CCSER1: variants seen among roughly 807,000 people sequenced by gnomAD.
CCSER1 encodes the protein coiled-coil serine rich protein 1.
Under a neutral mutation model 82.0 loss-of-function variants are expected in CCSER1, and 41 were observed. The observed-to-expected ratio is 0.50, with a 90% CI of 0.39 to 0.65. CCSER1 has a LOEUF of 0.65. Ranked by LOEUF, CCSER1 falls within the 30% of genes least tolerant of loss-of-function variation. CCSER1 has a pLI of 0.00. For synonymous variants in CCSER1, 414 were observed against 383.9 expected, an observed-to-expected ratio of 1.08 and a Z score of -0.92; for missense variants, 1,119 against 1,064.2, an observed-to-expected ratio of 1.05 and a Z score of -0.72.
At chr4:91,437,357 T>C (rs1003874782) in intron 10 of CCSER1, among the ~76,000 whole-genome samples, 1 of 152,214 alleles carries the variant, frequency 6.6e-6, no homozygotes, top group Non-Finnish European at 1.5e-5. Context: ...CTACACATAA[T>C]GTCATAAAAC....
At position 90,731,613 on chromosome 4, in the gene CCSER1, G is replaced by A. The variant is rs181019662; in HGVS notation, c.2010+7622G>A. Among the ~76,000 whole-genome samples, 317 of 152,120 alleles carry A rather than the reference G, an allele frequency of 2.1e-3. 4 individuals carry two copies. Among genetic ancestry groups the A allele is most frequent in the Middle Eastern group, 0.02 (6 of 294 alleles). ...ATTTTGAATATAAACCATACAATAG[G>A]TATATATTTGAGGAACCAATGTATT... On this transcript the variant is annotated intron_variant, in intron 7 of 10. Coordinates refer to ENST00000509176, the MANE Select transcript of CCSER1 (RefSeq NM_001145065.2).
At chr4:90,867,003 A>T (rs1159960897) in intron 8 of CCSER1, among the ~76,000 whole-genome samples, 1 of 152,002 alleles carries the variant, frequency 6.6e-6, no homozygotes, top group African/African-American at 2.4e-5. Context: ...AGTTCCTTAT[A>T]GGCCACGGAC....
intron 9 of CCSER1, among the ~76,000 whole-genome samples, chr4:90,974,722 C>T (rs1268981206): frequency 6.6e-6 from 1 of 151,268 alleles, no homozygotes; most frequent in African/African-American, 2.4e-5. Flanking sequence ...TAGGCAAGTA[C>T]AACTTTTGGC....
intron 10 of CCSER1, among the ~76,000 whole-genome samples, chr4:91,551,652 AACAAACACAC>A (rs1234082726): frequency 3.9e-5 from 4 of 102,368 alleles, no homozygotes; most frequent in Admixed American, 2.5e-4. Flanking sequence ...GCAGGCAAAA[AACAAACACAC>A]ACACACACAC....
At chr4:91,373,027 G>T (rs929327592) in intron 10 of CCSER1, among the ~76,000 whole-genome samples, 4 of 151,788 alleles carry the variant, frequency 2.6e-5, no homozygotes, top group Middle Eastern at 3.4e-3. Flanking sequence ...ATTGGGAAAT[G>T]TATTGGTTTG....
At chr4:90,960,184 T>TA (rs201720072) in intron 9 of CCSER1, among the ~76,000 whole-genome samples, 3,950 of 151,880 alleles carry the variant, frequency 0.026, 180 homozygotes, top group African/African-American at 0.09. Context: ...TCATTTTTTT[T>TA]AAAAAAAGGA....
chr4:91,131,011 A>C (rs1727940262), intron 10 of CCSER1, among the ~76,000 whole-genome samples: 1 of 151,838 alleles, frequency 6.6e-6, no homozygotes, highest in Non-Finnish European at 1.5e-5. Flanking sequence ...ATTCATGTGG[A>C]TCTGTATATG....
chr4:90,953,446 A>G (rs1733123882), intron 9 of CCSER1, among the ~76,000 whole-genome samples: 1 of 151,638 alleles, frequency 6.6e-6, no homozygotes. Context: ...TATTTATTGA[A>G]CATTTACTAT....
chr4:90,701,765 C>T (rs763519796), intron 6 of CCSER1, among the ~76,000 whole-genome samples: 3 of 152,212 alleles, frequency 2.0e-5, no homozygotes, highest in South Asian at 2.1e-4. Context: ...CATGATTTGG[C>T]TCTCTGTTTG....
At chr4:90,841,802 A>G (rs1194274939) in intron 8 of CCSER1, among the ~76,000 whole-genome samples, 2 of 151,998 alleles carry the variant, frequency 1.3e-5, no homozygotes, top group Admixed American at 1.3e-4. Flanking sequence ...TTGTCTTGGT[A>G]CTCTGGAAGT....
intron 9 of CCSER1, among the ~76,000 whole-genome samples, chr4:91,053,861 G>A (rs561234263): frequency 3.9e-5 from 6 of 152,228 alleles, no homozygotes; most frequent in Non-Finnish European, 8.8e-5. Context: ...TGTTCATACT[G>A]TAATGTCTTG....
intron 6 of CCSER1, among the ~76,000 whole-genome samples, chr4:90,694,220 T>C (rs1042898957): frequency 2.0e-5 from 3 of 151,604 alleles, no homozygotes; most frequent in Admixed American, 6.6e-5. Context: ...TAATAATTAT[T>C]AAGCATCTGT....
At chr4:91,172,383 A>G (rs995145441) in intron 10 of CCSER1, among the ~76,000 whole-genome samples, 1 of 152,224 alleles carries the variant, frequency 6.6e-6, no homozygotes, top group Admixed American at 6.5e-5. Flanking sequence ...ATGGAAAGGC[A>G]TTCTAGGAAA....
chr4:90,252,220 T>C (rs1182316278), intron 1 of CCSER1, among the ~76,000 whole-genome samples: 1 of 151,916 alleles, frequency 6.6e-6, no homozygotes, highest in Non-Finnish European at 1.5e-5. Context: ...CGATGAGCAT[T>C]TCTTTTGAGC....
At chr4:90,885,021 A>G (rs6840122) in intron 8 of CCSER1, among the ~76,000 whole-genome samples, 17 of 152,324 alleles carry the variant, frequency 1.1e-4, no homozygotes, top group African/African-American at 4.1e-4. Flanking sequence ...TATGACTTCT[A>G]CTAAAAGCAT....
At chr4:90,623,506 C>T (rs1282588764) in intron 5 of CCSER1, among the ~76,000 whole-genome samples, 2 of 152,150 alleles carry the variant, frequency 1.3e-5, no homozygotes, top group African/African-American at 2.4e-5. Flanking sequence ...AGTTTCTAGA[C>T]CATGAAACAA....
intron 4 of CCSER1, among the ~76,000 whole-genome samples, chr4:90,465,320 CTT>C (rs1157811263): frequency 0.12 from 15,939 of 131,704 alleles, 1,386 homozygotes; most frequent in African/African-American, 0.26. Context: ...TTTCCGTGTT[CTT>C]TTTTTTTTTT....
At chr4:90,440,673 A>G (rs909746303) in intron 4 of CCSER1, among the ~76,000 whole-genome samples, 3 of 151,976 alleles carry the variant, frequency 2.0e-5, no homozygotes, top group African/African-American at 7.3e-5. Context: ...AGTTCTTTTT[A>G]TTACCTATTT....
At chr4:91,592,234 A>T (rs899746031) in intron 10 of CCSER1, among the ~76,000 whole-genome samples, 6 of 152,174 alleles carry the variant, frequency 3.9e-5, no homozygotes, top group African/African-American at 1.4e-4. Flanking sequence ...TGGCAGGAAG[A>T]ATTGCTGAGC....
Sources: allele counts gnomAD v4.1 joint callset (sites outside exome capture counted in the v4.1 genomes callset), GRCh38; gene constraint gnomAD v4.1.1; transcripts MANE v1.5; gene names NCBI Gene and HGNC (gene_info 2026-07-23, HGNC 2026-07-21).